ZNF490: variants seen among roughly 807,000 people sequenced by gnomAD.
The protein encoded by ZNF490 is zinc finger protein 490.
In ZNF490, 11 loss-of-function variants were observed where a neutral mutation model predicts 17.7. The ratio of observed to expected loss-of-function variants is 0.62; its 90% confidence interval spans 0.39 to 1.03. The LOEUF (loss-of-function observed/expected upper bound fraction) is 1.03, where lower values mean the gene tolerates loss of function less well. Among genes scored for constraint, ZNF490 ranks in the 50% least tolerant of loss-of-function variants. ZNF490 has a pLI of 0.00. For missense variants in ZNF490, 542 were observed against 643.4 expected (o/e 0.84, Z 1.71); for synonymous variants, 222 against 216.1 (o/e 1.03, Z -0.24).
At chr19:12,610,206 CTTT>C (rs59664090) in intron 1 of ZNF490, among the ~76,000 whole-genome samples, 3 of 129,008 alleles carry the variant, frequency 2.3e-5, no homozygotes, top group South Asian at 2.5e-4. Context: ...TCTTTCTTTC[CTTT>C]TTTTTTTTTT....
In ZNF490 at chr19:12,581,582, A is replaced by C. The variant is rs2022735914; in HGVS notation, c.493T>G (p.Phe165Val). The C allele has an allele frequency of 1.4e-5, 22 of 1,614,138 alleles. No individual in the cohort carries two copies. Among genetic ancestry groups the C allele is most frequent in the Non-Finnish European group, 1.9e-5 (22 of 1,180,020 alleles). Residue 165 changes from phenylalanine (F) to valine (V), a missense_variant, in exon 5 of 5, where the codon TTC becomes GTC. By Grantham distance (50) the Phe-to-Val change is conservative (BLOSUM62 -1). Coordinates refer to ENST00000311437, the MANE Select transcript of ZNF490 (RefSeq NM_020714.3). ...PCDCSVCGEV[F>V]MHQVSLNRHM... ...CTATTAAGGGAGACCTGATGCATGA[A>C]GACTTCCCCACACACACTGCAGTCA...
intron 1 of ZNF490, chr19:12,609,754 C>G (rs1016517427): frequency 4.1e-5 from 12 of 293,982 alleles, no homozygotes; most frequent in African/African-American, 2.3e-4. Context: ...ACTGCATCTT[C>G]TTACATATAA....
intron 2 of ZNF490, 23 bp from the exon 3 acceptor site, chr19:12,583,579 T>C: frequency 1.3e-6 from 2 of 1,559,150 alleles, no homozygotes; most frequent in Non-Finnish European, 1.7e-6. Flanking sequence ...CCATGTGTGT[T>C]TAGGAGGAGG....
chr19:12,590,683 C>T (rs772381399), intron 2 of ZNF490, among the ~76,000 whole-genome samples: 8 of 152,108 alleles, frequency 5.3e-5, no homozygotes, highest in Non-Finnish European at 1.0e-4. Context: ...AAGAAAATTC[C>T]TGGAACCAAT....
At chr19:12,582,078 C>T (rs571881092) in intron 4 of ZNF490, among the ~76,000 whole-genome samples, 65 of 152,208 alleles carry the variant, frequency 4.3e-4, no homozygotes, top group Admixed American at 8.5e-4. Context: ...TGCACCACCA[C>T]GCCCCGCTAA....
chr19:12,610,737 C>A lies in ZNF490; in HGVS notation c.-57G>T. 1 of 1,547,946 alleles carries A rather than the reference C, an allele frequency of 6.5e-7. No individual in the cohort carries two copies. The highest frequency in any genetic ancestry group is 8.9e-7 in the Non-Finnish European group (1 of 1,125,656). ...AGACTTCCGTGTCCGACCCGAGATCCGGAACAATTTCTGCTTCAACACAAT... is the reference window on the plus strand; with the variant it reads ...AGACTTCCGTGTCCGACCCGAGATCAGGAACAATTTCTGCTTCAACACAAT... On this transcript the variant is annotated 5_prime_UTR_variant, in exon 1 of 5. Transcript: ENST00000311437.
Position 12,597,074 on chromosome 19 carries a change from G to T in ZNF490, c.162+12084C>A, listed in dbSNP as rs549296562. ...ACCCTCGGGTCAGCTGCGCCAGGGG[G>T]ACTCGGGTCTTCCCATAGCCGGTTC... On this transcript the variant is annotated intron_variant, in intron 2 of 4. Coordinates refer to ENST00000311437, the MANE Select transcript of ZNF490 (RefSeq NM_020714.3). 6.6e-6 allele frequency: 3 copies of T among 457,084 alleles called. No individual in the cohort carries two copies. The Admixed American group carries it at 7.1e-5, about 11-fold the overall frequency. 28.3% of individuals were successfully genotyped at this position (457,084 alleles called of 1,614,324 possible).
rs755621669 is a variant in ZNF490, at chr19:12,609,138, C to G, written c.162+20G>C. 2.5e-6 allele frequency: 4 copies of G among 1,613,596 alleles called. No homozygotes were observed. The highest frequency in any genetic ancestry group is 2.2e-5 in the South Asian group (2 of 91,040). On this transcript the variant is annotated intron_variant, in intron 2 of 4. Coordinates refer to ENST00000311437, the MANE Select transcript of ZNF490 (RefSeq NM_020714.3). Reference sequence around the variant, plus strand: ...TAAACAAGGAAGGTAGCCACGCTGACAGGTAGCGATCTCACTTACAGTTTG... The same window carrying G: ...TAAACAAGGAAGGTAGCCACGCTGAGAGGTAGCGATCTCACTTACAGTTTG...
chr19:12,610,800 A>G lies in ZNF490; in HGVS notation c.-120T>C, dbSNP rs537500004. ...GCACCAGTTCCGTCCCACCGGCGGA[A>G]GCGAGATCTGCCTAGCTACTAGACC... On this transcript the variant is annotated 5_prime_UTR_variant, in exon 1 of 5. Coordinates refer to ENST00000311437, the MANE Select transcript of ZNF490 (RefSeq NM_020714.3). 10 of 1,052,530 alleles carry G rather than the reference A, an allele frequency of 9.5e-6. No homozygotes were observed. The highest frequency in any genetic ancestry group is 2.2e-4 in the Middle Eastern group (1 of 4,628). 65.2% of individuals were successfully genotyped at this position (1,052,530 alleles called of 1,614,324 possible).
At chr19:12,598,629 G>A (rs28869876) in intron 2 of ZNF490, among the ~76,000 whole-genome samples, 3 of 151,204 alleles carry the variant, frequency 2.0e-5, no homozygotes, top group South Asian at 4.2e-4. Flanking sequence ...TGCCCGCCTC[G>A]GCCTCCCAAA....
Position 12,586,882 on chromosome 19 carries a change from C to T in ZNF490, c.163-3326G>A, listed in dbSNP as rs1411464569. 2.2e-5 allele frequency among the ~76,000 whole-genome samples: 2 copies of T among 92,006 alleles called. 1 individual carries two copies. The highest frequency in any genetic ancestry group is 6.5e-5 in the African/African-American group (2 of 30,762). The allele number at this position is 92,006 out of a possible 152,430, so 60.4% of individuals were successfully genotyped here. A position where few individuals can be genotyped will look rare whatever the true frequency, so the allele number is the denominator to read the frequency against. On this transcript the variant is annotated intron_variant, in intron 2 of 4. Coordinates refer to ENST00000311437, the MANE Select transcript of ZNF490 (RefSeq NM_020714.3). ...GGTCAGGAGTTCAAGACCAGCCTGA[C>T]CAACATGGAGAAACCCTGTCTCTAC...
intron 2 of ZNF490, among the ~76,000 whole-genome samples, chr19:12,603,501 C>G (rs577868100): frequency 6.6e-6 from 1 of 151,256 alleles, no homozygotes; most frequent in East Asian, 2.0e-4. Context: ...AAACAAACAA[C>G]AAAAAAAAGG....
intron 2 of ZNF490, among the ~76,000 whole-genome samples, chr19:12,593,347 A>G (rs1384534077): frequency 6.6e-6 from 1 of 151,984 alleles, no homozygotes; most frequent in Non-Finnish European, 1.5e-5. Flanking sequence ...TCCCAGGTTC[A>G]AGCGATTCTC....
intron 2 of ZNF490, among the ~76,000 whole-genome samples, chr19:12,608,658 T>C (rs1481591768): frequency 1.3e-5 from 2 of 151,988 alleles, no homozygotes; most frequent in South Asian, 2.1e-4. Context: ...ATATTTTTAA[T>C]AGAGATGAGG....
At chr19:12,593,942 G>A (rs944848822) in intron 2 of ZNF490, among the ~76,000 whole-genome samples, 3 of 152,194 alleles carry the variant, frequency 2.0e-5, no homozygotes, top group African/African-American at 7.2e-5. Context: ...TTGAAAGGAG[G>A]TCTGTGTAGG....
At position 12,578,691 on chromosome 19, in the gene ZNF490, G is replaced by A. The variant is rs2022677652; in HGVS notation, c.*1794C>T. 2.0e-6 allele frequency: 2 copies of A among 985,348 alleles called. No individual in the cohort carries two copies. The highest frequency in any genetic ancestry group is 6.2e-5 in the Admixed American group (1 of 16,250). The allele number at this position is 985,348 out of a possible 1,614,324, so 61.0% of individuals were successfully genotyped here. A position where few individuals can be genotyped will look rare whatever the true frequency, so the allele number is the denominator to read the frequency against. On this transcript the variant is annotated 3_prime_UTR_variant, in exon 5 of 5. Coordinates refer to ENST00000311437, the MANE Select transcript of ZNF490 (RefSeq NM_020714.3). ...TCCCACAGTCTGACCCGAGGACACT[G>A]ATGGAAACTTAAAAGGCAGATTCTG...
intron 2 of ZNF490, among the ~76,000 whole-genome samples, chr19:12,601,820 G>A (rs961761793): frequency 9.9e-5 from 15 of 151,168 alleles, no homozygotes; most frequent in East Asian, 9.8e-4. Flanking sequence ...GTGAAACCCT[G>A]TCTCTACTAA....
Position 12,610,638 on chromosome 19 carries a change from G to T in ZNF490, c.43C>A (p.Leu15Ile). The T allele has an allele frequency of 6.2e-7, 1 of 1,613,936 alleles. No homozygotes were observed. Reference protein sequence around the residue: ...SSLSFQMERPLEEQVQSKWSS... With the variant: ...SSLSFQMERPIEEQVQSKWSS... ...CACTTGCTCTGGACTTGCTCCTCGAGGGGTCGCTCCATCTGGAAACTGAGA... is the reference window on the plus strand; with the variant it reads ...CACTTGCTCTGGACTTGCTCCTCGATGGGTCGCTCCATCTGGAAACTGAGA... Residue 15 changes from leucine to isoleucine, a missense_variant, in exon 1 of 5, where the codon CTC becomes ATC. Transcript: ENST00000311437.
Position 12,580,365 on chromosome 19 carries a change from T to C in ZNF490, c.*120A>G. On this transcript the variant is annotated 3_prime_UTR_variant, in exon 5 of 5. Coordinates refer to ENST00000311437, the MANE Select transcript of ZNF490 (RefSeq NM_020714.3). ...GCATGAGTCACGTCTTCAAAGGGAATTAGGACAACTGAAGGCTTAATCACA... is the reference window on the plus strand; with the variant it reads ...GCATGAGTCACGTCTTCAAAGGGAACTAGGACAACTGAAGGCTTAATCACA... 1 of 1,480,306 alleles carries C rather than the reference T, an allele frequency of 6.8e-7. No individual in the cohort carries two copies. The highest frequency in any genetic ancestry group is 8.9e-7 in the Non-Finnish European group (1 of 1,120,832). 91.7% of individuals were successfully genotyped at this position (1,480,306 alleles called of 1,614,324 possible). A position where few individuals can be genotyped will look rare whatever the true frequency, so the allele number is the denominator to read the frequency against.
Sources: gnomAD v4.1 joint callset for allele counts (sites outside exome capture counted in the v4.1 genomes callset) on GRCh38, gnomAD v4.1.1 for gene constraint, MANE v1.5 for transcripts, NCBI Gene and HGNC (gene_info 2026-07-23, HGNC 2026-07-21) for gene names.